FAM169A: variants seen among roughly 807,000 people sequenced by gnomAD.
FAM169A encodes the protein soluble lamin-associated protein of 75 kDa.
A neutral mutation model predicts 75.7 loss-of-function variants in FAM169A; 24 were observed. The ratio of observed to expected loss-of-function variants is 0.32; its 90% CI spans 0.23 to 0.45. The LOEUF is 0.45. Among genes scored for constraint, FAM169A ranks in the 20% least tolerant of loss-of-function variants. FAM169A has a pLI of 1.00. For synonymous variants in FAM169A, 271 were observed against 271.0 expected (o/e 1.00, Z 0.00); for missense variants, 673 against 784.0 (o/e 0.86, Z 1.69).
chr5:74,792,558 C>A (rs1481427068), intron 11 of FAM169A, among the ~76,000 whole-genome samples: 1 of 152,202 alleles, frequency 6.6e-6, no homozygotes, highest in African/African-American at 2.4e-5. Context: ...CCCCACCTTG[C>A]AGATGGCCTA....
chr5:74,807,030 G>C (rs764615532), intron 6 of FAM169A, among the ~76,000 whole-genome samples: 11 of 152,160 alleles, frequency 7.2e-5, no homozygotes, highest in Non-Finnish European at 1.0e-4. Flanking sequence ...TAATAATTTT[G>C]CAACAGTAAA....
At chr5:74,841,809 G>T in intron 1 of FAM169A, 130 bp from the exon 2 acceptor site, 1 of 749,026 alleles carries the variant, frequency 1.3e-6, no homozygotes, top group Non-Finnish European at 2.0e-6. Flanking sequence ...CACTTTGCCC[G>T]CAGAATACAA....
At chr5:74,839,983 AC>A in intron 3 of FAM169A, 90 bp downstream of exon 3, 1 of 632,412 alleles carries the variant, frequency 1.6e-6, no homozygotes, top group Non-Finnish European at 2.7e-6. Context: ...TAAAAAAAAA[AC>A]CAAATTCCTT....
At chr5:74,782,188 TTTC>T (rs1418895699) in intron 12 of FAM169A, among the ~76,000 whole-genome samples, 180 bp from the exon 13 acceptor site, 1 of 152,220 alleles carries the variant, frequency 6.6e-6, no homozygotes, top group African/African-American at 2.4e-5. Context: ...TACAACTCAA[TTTC>T]TTCAAAATTG....
rs923896412 is a variant in FAM169A at position 74,780,885 on chromosome 5, G to C, written c.*575C>G. The C allele has an allele frequency of 1.3e-5, 2 of 152,274 alleles. No homozygotes were observed. The highest frequency in any genetic ancestry group is 4.8e-5 in the African/African-American group (2 of 41,450). The allele number at this position is 152,274 out of a possible 1,614,324, so 9.4% of individuals were successfully genotyped here. Reference sequence around the variant, plus strand: ...AGGAAAAAACTGCATCTATATCTAGGATTAAGAGGCCAAAACCAAAATATC... The same window carrying C: ...AGGAAAAAACTGCATCTATATCTAGCATTAAGAGGCCAAAACCAAAATATC... On this transcript the variant is annotated 3_prime_UTR_variant, in exon 13 of 13. Coordinates refer to ENST00000687041, the MANE Select transcript of FAM169A (RefSeq NM_001376049.1).
intron 2 of FAM169A, among the ~76,000 whole-genome samples, chr5:74,840,848 AAGC>A (rs1326481666): frequency 6.6e-6 from 1 of 152,234 alleles, no homozygotes; most frequent in Non-Finnish European, 1.5e-5. Flanking sequence ...ACAAAAAAAA[AAGC>A]AGTCAAGTAA....
intron 1 of FAM169A, among the ~76,000 whole-genome samples, chr5:74,853,775 T>G (rs542089201): frequency 1.2e-4 from 17 of 144,822 alleles, no homozygotes; most frequent in African/African-American, 3.6e-4. Context: ...TGGCGCCATC[T>G]CGGCTCACTG....
At chr5:74,853,453 A>G (rs1438700788) in intron 1 of FAM169A, among the ~76,000 whole-genome samples, 1 of 152,124 alleles carries the variant, frequency 6.6e-6, no homozygotes, top group Non-Finnish European at 1.5e-5. Flanking sequence ...CCAAGTTCAC[A>G]CAGTTAGGAA....
intron 5 of FAM169A, among the ~76,000 whole-genome samples, chr5:74,824,784 T>G (rs1747938700): frequency 6.6e-6 from 1 of 151,854 alleles, no homozygotes; most frequent in Non-Finnish European, 1.5e-5. Flanking sequence ...TTGAAGTCAT[T>G]TAGCTGATAT....
chr5:74,843,068 G>C (rs2112682104), intron 1 of FAM169A, among the ~76,000 whole-genome samples: 1 of 151,990 alleles, frequency 6.6e-6, no homozygotes, highest in Non-Finnish European at 1.5e-5. Flanking sequence ...AAATAAGGGG[G>C]GCGGGGGCAG....
chr5:74,815,389 C>T (rs1747419801), intron 5 of FAM169A, among the ~76,000 whole-genome samples: 1 of 152,002 alleles, frequency 6.6e-6, no homozygotes. Context: ...AGGGGTTTCA[C>T]CATGTTGACT....
In FAM169A at chr5:74,781,391, A is replaced by G. The variant is rs887566264; in HGVS notation, c.*69T>C. ...TGTCCTGTGCCCCATGCTGTTTATT[A>G]ATTACCATATTTTAAAAACAACAAC... On this transcript the variant is annotated 3_prime_UTR_variant, in exon 13 of 13. Transcript: ENST00000687041. The G allele has an allele frequency of 2.1e-6, 3 of 1,460,280 alleles. No individual in the cohort carries two copies. Among genetic ancestry groups the G allele is most frequent in the Non-Finnish European group, 2.8e-6 (3 of 1,072,254 alleles). The allele number at this position is 1,460,280 out of a possible 1,614,324, so 90.5% of individuals were successfully genotyped here. A position where few individuals can be genotyped will look rare whatever the true frequency, so the allele number is the denominator to read the frequency against.
At chr5:74,841,790 T>C (rs770703970) in intron 1 of FAM169A, 111 bp from the exon 2 acceptor site, 62 of 987,532 alleles carry the variant, frequency 6.3e-5, no homozygotes, top group Non-Finnish European at 8.6e-5. Context: ...TAACAAGATT[T>C]TTCTGTTTCA....
In FAM169A at chr5:74,799,763, C is replaced by G; in HGVS notation, c.1103+1117G>C. 3.6e-6 allele frequency: 4 copies of G among 1,123,004 alleles called. No homozygotes were observed. In the South Asian group the frequency reaches 3.7e-5, roughly 10 times the overall value. 69.6% of individuals were successfully genotyped at this position (1,123,004 alleles called of 1,614,324 possible). ...TCCTGAGTGTGTCATCTGTCTCAGA[C>G]AACAGCGCCGTGGCTGCTGGCCATG... On this transcript the variant is annotated intron_variant, in intron 10 of 12. Transcript: ENST00000687041.
At position 74,810,932 on chromosome 5, in the gene FAM169A, T is replaced by G. The variant is rs570099219; in HGVS notation, c.670+2908A>C. Among the ~76,000 whole-genome samples the G allele has an allele frequency of 6.1e-5, 9 of 146,428 alleles. No individual in the cohort carries two copies. In the South Asian group the frequency reaches 1.4e-3, roughly 22 times the overall value. On this transcript the variant is annotated intron_variant, in intron 6 of 12. Coordinates refer to ENST00000687041, the MANE Select transcript of FAM169A (RefSeq NM_001376049.1). ...CTCAAGTGATCCTCCTGCCTCAGTC[T>G]CTCGAGTAACTGGGACTACAGGCGC...
chr5:74,856,775 C>A (rs528126868), intron 1 of FAM169A, among the ~76,000 whole-genome samples: 4 of 149,368 alleles, frequency 2.7e-5, no homozygotes, highest in South Asian at 4.3e-4. Flanking sequence ...CAGACAGTAT[C>A]TGCAGTGTTT....
In FAM169A at chr5:74,845,471, T is replaced by C. The variant is rs542132986; in HGVS notation, c.-3-3792A>G. On this transcript the variant is annotated intron_variant, in intron 1 of 12. Transcript: ENST00000687041. Reference sequence around the variant, plus strand: ...AGGTGGAGGTTGCAGTGAGCCGAGATTGTGCCACTGCACTCCAGCCTGGGT... The same window carrying C: ...AGGTGGAGGTTGCAGTGAGCCGAGACTGTGCCACTGCACTCCAGCCTGGGT... 8.5e-5 allele frequency among the ~76,000 whole-genome samples: 13 copies of C among 152,242 alleles called. No homozygotes were observed. The South Asian group carries it at 2.7e-3, about 32-fold the overall frequency.
chr5:74,782,602 C>G (rs1351180511), intron 12 of FAM169A, among the ~76,000 whole-genome samples: 1 of 152,140 alleles, frequency 6.6e-6, no homozygotes, highest in Non-Finnish European at 1.5e-5. Flanking sequence ...ATATAAATTA[C>G]TGTTTTGGTC....
intron 5 of FAM169A, among the ~76,000 whole-genome samples, chr5:74,824,867 T>A (rs1019524099): frequency 2.0e-5 from 3 of 152,100 alleles, no homozygotes; most frequent in African/African-American, 7.2e-5. Context: ...TTTTTCCATT[T>A]TAGGCATAGA....
Sources: gnomAD v4.1 joint callset for allele counts (sites outside exome capture counted in the v4.1 genomes callset) on GRCh38, gnomAD v4.1.1 for gene constraint, MANE v1.5 for transcripts, NCBI Gene and HGNC (gene_info 2026-07-23, HGNC 2026-07-21) for gene names.